YIPF1: variants seen among roughly 807,000 people sequenced by gnomAD.
YIPF1 encodes protein YIPF1.
A neutral mutation model predicts 37.0 loss-of-function variants in YIPF1; 22 were observed. The ratio of observed to expected loss-of-function variants is 0.59; its 90% CI spans 0.42 to 0.85. YIPF1 has a LOEUF of 0.85. YIPF1 is among the 40% of genes least tolerant of loss of function. The pLI is 0.00. For missense variants in YIPF1, 355 were observed against 373.1 expected (o/e 0.95, Z 0.40); for synonymous variants, 128 against 131.9 (o/e 0.97, Z 0.21).
intron 7 of YIPF1, among the ~76,000 whole-genome samples, chr1:53,867,436 G>T (rs569207568): frequency 4.1e-5 from 6 of 144,642 alleles, no homozygotes; most frequent in Non-Finnish European, 7.5e-5. Context: ...GCAGTGGCGC[G>T]ATCTAGGCTC....
chr1:53,875,479 T>C (rs1307971812), intron 6 of YIPF1, among the ~76,000 whole-genome samples: 1 of 152,222 alleles, frequency 6.6e-6, no homozygotes, highest in East Asian at 1.9e-4. Flanking sequence ...ATCGAGCCAC[T>C]GCACTCCAGC....
chr1:53,886,902 C>T (rs1245509524), intron 3 of YIPF1, among the ~76,000 whole-genome samples: 1 of 151,908 alleles, frequency 6.6e-6, no homozygotes, highest in African/African-American at 2.4e-5. Flanking sequence ...ATGTCCCACA[C>T]AGAAAGATGG....
intron 3 of YIPF1, among the ~76,000 whole-genome samples, chr1:53,888,215 GACTCCATCAAAAGAAACAA>G (rs963791729): frequency 2.0e-5 from 3 of 152,040 alleles, no homozygotes; most frequent in African/African-American, 7.3e-5. Context: ...AACAGAGTGA[GACTCCATCAAAAGAAACAA>G]ACAAACAAAC....
intron 7 of YIPF1, among the ~76,000 whole-genome samples, chr1:53,869,607 G>C (rs952212671): frequency 6.6e-6 from 1 of 152,104 alleles, no homozygotes; most frequent in African/African-American, 2.4e-5. Context: ...ACAGCCTCTC[G>C]ACAGCAGAGC....
intron 4 of YIPF1, among the ~76,000 whole-genome samples, chr1:53,879,559 C>T (rs1305708365): frequency 6.6e-6 from 1 of 152,124 alleles, no homozygotes; most frequent in Non-Finnish European, 1.5e-5. Context: ...GGGCCATACC[C>T]ATCCCAACAA....
At chr1:53,865,435 TATA>T (rs1423468613) in intron 9 of YIPF1, among the ~76,000 whole-genome samples, 9 of 152,216 alleles carry the variant, frequency 5.9e-5, no homozygotes, top group Admixed American at 5.9e-4. Context: ...TAAAATACAG[TATA>T]ATAACTATTT....
At chr1:53,885,819 CAAAAAA>C (rs55998099) in intron 3 of YIPF1, among the ~76,000 whole-genome samples, 2 of 83,852 alleles carry the variant, frequency 2.4e-5, no homozygotes, top group Admixed American at 1.2e-4. Flanking sequence ...GACTCGGTCT[CAAAAAA>C]AAAAAAAAAA....
chr1:53,863,280 A>G (rs1012741672), intron 9 of YIPF1, among the ~76,000 whole-genome samples: 37 of 152,208 alleles, frequency 2.4e-4, no homozygotes, highest in African/African-American at 8.0e-4. Context: ...AAGGAAGGGC[A>G]TTGTCATTAA....
chr1:53,876,586 T>C (rs981888361), intron 6 of YIPF1, among the ~76,000 whole-genome samples: 1 of 152,212 alleles, frequency 6.6e-6, no homozygotes, highest in African/African-American at 2.4e-5. Flanking sequence ...GGCTTTGTCA[T>C]GAGAGGCAGT....
Position 53,863,264 on chromosome 1 carries a change from G to C in YIPF1, c.831+2936C>G, listed in dbSNP as rs1195528035. ...GAGAGATAAGAAGATGCCAGTGAGA[G>C]GCAACAAGGAAGGGCATTGTCATTA... On this transcript the variant is annotated intron_variant, in intron 9 of 10. Transcript: ENST00000072644. Among the ~76,000 whole-genome samples the C allele has an allele frequency of 3.3e-5, 5 of 152,324 alleles. No individual in the cohort carries two copies. In the East Asian group the frequency reaches 9.6e-4, roughly 29 times the overall value.
intron 3 of YIPF1, among the ~76,000 whole-genome samples, chr1:53,887,857 A>G (rs1323894513): frequency 1.3e-5 from 2 of 152,230 alleles, no homozygotes; most frequent in Non-Finnish European, 2.9e-5. Context: ...TATTTCATAA[A>G]GTTGACATAA....
At chr1:53,862,490 G>A (rs1347968620) in intron 9 of YIPF1, among the ~76,000 whole-genome samples, 1 of 152,168 alleles carries the variant, frequency 6.6e-6, no homozygotes, top group Non-Finnish European at 1.5e-5. Flanking sequence ...CATACACCAA[G>A]GGTGCAGCCT....
chr1:53,877,251 TGAAAAGCA>T (rs1225484899), intron 6 of YIPF1, among the ~76,000 whole-genome samples: 31 of 152,188 alleles, frequency 2.0e-4, no homozygotes, highest in African/African-American at 7.2e-4. Context: ...AACCCTCAGA[TGAAAAGCA>T]TGGGCCAGTG....
In YIPF1 at chr1:53,860,102, T is replaced by C; in HGVS notation, c.883A>G (p.Thr295Ala). The change falls in exon 10 of 11, where the codon ACT becomes GCT. Residue 295 changes from threonine (T) to alanine (A), a missense_variant. Thr to Ala is a moderately conservative substitution (Grantham distance 58). Transcript: ENST00000072644. ...EMDHLPTTTA[T>A]PNQTVAAAKS... The stretch of plus-strand genomic sequence containing the variant: ...GCTGCAGCAACTGTTTGGTTTGGAG[T>C]AGCTGTAGTTGTTGGGAGATGGTCC... 1 of 1,614,078 alleles carries C rather than the reference T, an allele frequency of 6.2e-7. No individual in the cohort carries two copies. The highest frequency in any genetic ancestry group is 2.2e-5 in the East Asian group (1 of 44,878).
chr1:53,865,099 T>C (rs1649982829), intron 9 of YIPF1, among the ~76,000 whole-genome samples: 1 of 152,100 alleles, frequency 6.6e-6, no homozygotes, highest in South Asian at 2.1e-4. Flanking sequence ...GTTGTTCACC[T>C]TAAAAGTAAC....
intron 6 of YIPF1, among the ~76,000 whole-genome samples, chr1:53,876,146 T>C (rs769877163): frequency 2.0e-5 from 3 of 152,236 alleles, no homozygotes; most frequent in Non-Finnish European, 4.4e-5. Context: ...ATTTCTCTGG[T>C]TGCAGGTGGG....
At chr1:53,857,704 G>A (rs532850322) in intron 10 of YIPF1, among the ~76,000 whole-genome samples, 15 of 152,218 alleles carry the variant, frequency 9.9e-5, no homozygotes, top group Admixed American at 6.5e-4. Flanking sequence ...TTGTCAGGCC[G>A]GGCGCGATGG....
chr1:53,887,735 G>A (rs1369931707), intron 3 of YIPF1, among the ~76,000 whole-genome samples: 1 of 152,154 alleles, frequency 6.6e-6, no homozygotes, highest in African/African-American at 2.4e-5. Context: ...TGTGATACCA[G>A]ACTGGATGGG....
chr1:53,863,589 GGCACTCCCT>G (rs1223027541), intron 9 of YIPF1, among the ~76,000 whole-genome samples: 2 of 152,114 alleles, frequency 1.3e-5, no homozygotes, highest in Non-Finnish European at 2.9e-5. Context: ...CTCAGTCCAG[GGCACTCCCT>G]GCTTCAGAAT....
Sources: allele counts gnomAD v4.1 joint callset (sites outside exome capture counted in the v4.1 genomes callset), GRCh38; gene constraint gnomAD v4.1.1; transcripts MANE v1.5; gene names NCBI Gene and HGNC (gene_info 2026-07-23, HGNC 2026-07-21).